The following CNTN4 variants were observed in gnomAD, a reference collection of about 807,000 sequenced individuals.
CNTN4 encodes the protein contactin-4.
CNTN4 carries 77 observed loss-of-function variants against 122.5 expected under a neutral mutation model. The ratio of observed to expected loss-of-function variants is 0.63; its 90% CI spans 0.52 to 0.76. The LOEUF is 0.76. Among genes scored for constraint, CNTN4 ranks in the 30% least tolerant of loss-of-function variants. The pLI is 0.00. For synonymous variants in CNTN4, 512 were observed against 447.0 expected (o/e 1.15, Z -1.83); for missense variants, 1,256 against 1,259.1 (o/e 1.00, Z 0.04).
intron 6 of CNTN4, among the ~76,000 whole-genome samples, chr3:2,790,728 G>C (rs1040639058): frequency 6.6e-6 from 1 of 152,174 alleles, no homozygotes; most frequent in Non-Finnish European, 1.5e-5. Context: ...TTCTGTAAAA[G>C]CAGTTCAGAG....
intron 2 of CNTN4, among the ~76,000 whole-genome samples, chr3:2,247,113 A>G (rs1489435837): frequency 6.6e-6 from 1 of 151,920 alleles, no homozygotes; most frequent in Non-Finnish European, 1.5e-5. Flanking sequence ...CTTTCTCTGG[A>G]AGGGAGATTT....
In CNTN4 at chr3:2,748,186, A is replaced by G. The variant is rs555464144; in HGVS notation, c.358+2489A>G. Among the ~76,000 whole-genome samples the G allele has an allele frequency of 7.2e-5, 11 of 152,314 alleles. 1 individual carries two copies. The South Asian group carries it at 1.9e-3, about 26-fold the overall frequency. ...CTTTTTTCAGTTAATGAAGCTGACA[A>G]TAATATTTATTTAATCTTCATTTTT... On this transcript the variant is annotated intron_variant, in intron 6 of 24. Coordinates refer to ENST00000418658, the MANE Select transcript of CNTN4 (RefSeq NM_175607.3).
At chr3:2,610,321 A>G (rs1378984740) in intron 4 of CNTN4, among the ~76,000 whole-genome samples, 2 of 152,210 alleles carry the variant, frequency 1.3e-5, no homozygotes, top group Admixed American at 1.3e-4. Flanking sequence ...GTATAATGGG[A>G]TAATTTTATT....
chr3:2,290,130 A>G (rs1006899580), intron 2 of CNTN4, among the ~76,000 whole-genome samples: 3 of 152,170 alleles, frequency 2.0e-5, no homozygotes, highest in Non-Finnish European at 1.5e-5. Flanking sequence ...ATGTGGGAAA[A>G]AATGAAACAA....
intron 4 of CNTN4, among the ~76,000 whole-genome samples, chr3:2,687,793 A>T (rs2085513515): frequency 6.6e-6 from 1 of 152,220 alleles, no homozygotes; most frequent in Non-Finnish European, 1.5e-5. Flanking sequence ...TAGAGAGATG[A>T]AAGCCATCTA....
At chr3:2,924,382 A>G (rs938480118) in intron 12 of CNTN4, among the ~76,000 whole-genome samples, 5 of 152,002 alleles carry the variant, frequency 3.3e-5, no homozygotes, top group Admixed American at 1.3e-4. Context: ...TTATATTTCA[A>G]TTTTACATTC....
chr3:2,734,425 G>A (rs1262023630), intron 4 of CNTN4, among the ~76,000 whole-genome samples: 1 of 152,120 alleles, frequency 6.6e-6, no homozygotes, highest in Non-Finnish European at 1.5e-5. Flanking sequence ...ATTTATAGAT[G>A]AAACACTTCA....
At chr3:2,214,715 C>T (rs911892257) in intron 2 of CNTN4, among the ~76,000 whole-genome samples, 14 of 152,058 alleles carry the variant, frequency 9.2e-5, no homozygotes, top group African/African-American at 3.4e-4. Context: ...CAAGTGAAAA[C>T]CATCAAACCC....
intron 4 of CNTN4, among the ~76,000 whole-genome samples, chr3:2,586,508 G>T (rs368035135): frequency 6.9e-4 from 105 of 152,108 alleles, no homozygotes; most frequent in African/African-American, 2.5e-3. Flanking sequence ...GGCCAGGCTT[G>T]TCTCGAACCC....
Position 2,385,617 on chromosome 3 carries a change from T to A in CNTN4, c.-89+46384T>A, listed in dbSNP as rs35555380. ...GGAGGGTCGCATCTCTCAGCTTCTG[T>A]TAGCCCCAGTTGTTCTGCAGCTTGT... is the stretch of plus-strand genomic sequence containing the variant. On this transcript the variant is annotated intron_variant, in intron 3 of 24. Coordinates refer to ENST00000418658, the MANE Select transcript of CNTN4 (RefSeq NM_175607.3). This position sits in a 1 kb window ranked among gnomAD's most constrained non-coding sequence, Gnocchi z 4.0. Among the ~76,000 whole-genome samples, 25,218 of 152,028 alleles carry A rather than the reference T, an allele frequency of 0.17. 2,236 individuals carry two copies. Among genetic ancestry groups the A allele is most frequent in the Non-Finnish European group, 0.2 (13,291 of 67,982 alleles).
At chr3:2,758,013 C>T (rs952087507) in intron 6 of CNTN4, among the ~76,000 whole-genome samples, 18 of 152,102 alleles carry the variant, frequency 1.2e-4, no homozygotes, top group Admixed American at 3.9e-4. Flanking sequence ...TTGTTCATAG[C>T]CTCTACTTTT....
chr3:2,155,252 C>G (rs1260423960), intron 2 of CNTN4, among the ~76,000 whole-genome samples: 1 of 152,184 alleles, frequency 6.6e-6, no homozygotes, highest in East Asian at 1.9e-4. Flanking sequence ...AATTCCTGTG[C>G]AGCAATGAAA....
chr3:2,771,741 A>G (rs1047195793), intron 6 of CNTN4, among the ~76,000 whole-genome samples: 3 of 152,252 alleles, frequency 2.0e-5, no homozygotes, highest in African/African-American at 7.2e-5. Flanking sequence ...TGGAAGAGAA[A>G]GACATACAGT....
chr3:2,272,341 A>G (rs931087331), intron 2 of CNTN4, among the ~76,000 whole-genome samples: 3 of 152,120 alleles, frequency 2.0e-5, no homozygotes, highest in Non-Finnish European at 4.4e-5. Flanking sequence ...TTTTATATGC[A>G]CCATTTCTCT....
chr3:2,722,485 G>C (rs1576571526), intron 4 of CNTN4, among the ~76,000 whole-genome samples: 1 of 152,196 alleles, frequency 6.6e-6, no homozygotes, highest in Non-Finnish European at 1.5e-5. Context: ...TCTGTGGCTA[G>C]AGGTGTATGG....
At chr3:2,148,805 TTAA>T (rs771130422) in intron 2 of CNTN4, among the ~76,000 whole-genome samples, 26 of 148,676 alleles carry the variant, frequency 1.7e-4, no homozygotes, top group Non-Finnish European at 3.6e-4. Flanking sequence ...TTATGATGTG[TTAA>T]TAATGTGGAT....
intron 3 of CNTN4, among the ~76,000 whole-genome samples, chr3:2,561,597 G>A (rs534043334): frequency 2.6e-5 from 4 of 152,096 alleles, no homozygotes; most frequent in Admixed American, 1.3e-4. Flanking sequence ...CAAGTTTGCC[G>A]ACTCAAACTT....
chr3:2,346,052 G>C (rs1465381690), intron 3 of CNTN4, among the ~76,000 whole-genome samples: 1 of 152,004 alleles, frequency 6.6e-6, no homozygotes, highest in Non-Finnish European at 1.5e-5. Context: ...TTTTTACTAA[G>C]GGAATTGAAT....
intron 6 of CNTN4, among the ~76,000 whole-genome samples, chr3:2,751,035 C>T (rs933482320): frequency 1.3e-5 from 2 of 152,122 alleles, no homozygotes; most frequent in South Asian, 2.1e-4. Context: ...GGCGCGATGG[C>T]TCATGCCTAT....
Sources: allele counts gnomAD v4.1 joint callset (sites outside exome capture counted in the v4.1 genomes callset), GRCh38; gene constraint gnomAD v4.1.1; non-coding constraint Gnocchi (gnomAD v3.1); transcripts MANE v1.5; gene names NCBI Gene and HGNC (gene_info 2026-07-23, HGNC 2026-07-21).